C2CD5: variants seen among roughly 807,000 people sequenced by gnomAD.
C2CD5 encodes C2 calcium dependent domain containing 5.
In C2CD5, 109 loss-of-function variants were observed where a neutral mutation model predicts 130.3. The ratio of observed to expected loss-of-function variants is 0.84; its 90% CI spans 0.72 to 0.98. C2CD5 has a LOEUF of 0.98. C2CD5 is among the 50% of genes least tolerant of loss of function. The probability of loss-of-function intolerance (pLI) is 0.00; values close to 1 mark genes in which losing one functional copy is unlikely to be tolerated. For synonymous variants in C2CD5, 454 were observed against 429.2 expected, an observed-to-expected ratio of 1.06 and a Z score of -0.71; for missense variants, 996 against 1,261.8, an observed-to-expected ratio of 0.79 and a Z score of 3.19.
chr12:22,491,802 G>A (rs991215207), intron 11 of C2CD5, among the ~76,000 whole-genome samples: 1 of 151,806 alleles, frequency 6.6e-6, no homozygotes. Context: ...AACCCGGGAG[G>A]TGGAGGTTGC....
chr12:22,458,611 GA>G (rs1252245944), intron 23 of C2CD5, 26 bp from the exon 24 acceptor site: 13 of 1,118,646 alleles, frequency 1.2e-5, no homozygotes, highest in Non-Finnish European at 1.5e-5. Context: ...GAAAACAAAA[GA>G]AAAAAACAAA....
At chr12:22,485,099 T>A (rs1377362060) in intron 12 of C2CD5, among the ~76,000 whole-genome samples, 1 of 152,086 alleles carries the variant, frequency 6.6e-6, no homozygotes, top group African/African-American at 2.4e-5. Flanking sequence ...AGAAAAGACT[T>A]ACCAATTGCA....
intron 10 of C2CD5, among the ~76,000 whole-genome samples, chr12:22,504,912 T>G (rs879037588): frequency 6.2e-4 from 95 of 152,090 alleles, no homozygotes; most frequent in African/African-American, 2.1e-3. Context: ...ACACAAATAC[T>G]ACAATGGAGA....
chr12:22,505,329 C>T (rs1415172107), intron 10 of C2CD5, among the ~76,000 whole-genome samples: 1 of 147,072 alleles, frequency 6.8e-6, no homozygotes, highest in Non-Finnish European at 1.5e-5. Flanking sequence ...ACAATCTCGG[C>T]TCACTGCAAC....
intron 7 of C2CD5, chr12:22,519,087 C>G: frequency 6.5e-7 from 1 of 1,526,956 alleles, no homozygotes. Flanking sequence ...TGCATCTCCC[C>G]AGCTCTGGAG....
intron 21 of C2CD5, among the ~76,000 whole-genome samples, chr12:22,470,611 A>G (rs1184141822): frequency 6.6e-6 from 1 of 152,098 alleles, no homozygotes; most frequent in Non-Finnish European, 1.5e-5. Flanking sequence ...TCTCTATGTA[A>G]ACATCAGTCA....
chr12:22,451,658 G>A (rs1938631863), intron 26 of C2CD5, among the ~76,000 whole-genome samples: 1 of 150,726 alleles, frequency 6.6e-6, no homozygotes, highest in East Asian at 1.9e-4. Context: ...ACAAAATGGA[G>A]TTAATATCAA....
chr12:22,515,058 G>A lies in C2CD5; in HGVS notation c.953-1679C>T, dbSNP rs1949579170. On this transcript the variant is annotated intron_variant, in intron 8 of 26. Coordinates refer to ENST00000446597, the MANE Select transcript of C2CD5 (RefSeq NM_001286176.2). ...TGAGGGGTAAGGCTAGATTCCGAGA[G>A]GAGGAGACAGGACTTTTTAAGATGA... is the stretch of plus-strand genomic sequence containing the variant. 6.1e-6 allele frequency: 6 copies of A among 984,924 alleles called. No individual in the cohort carries two copies. In the Admixed American group the frequency reaches 3.1e-4, roughly 51 times the overall value. The allele number at this position is 984,924 out of a possible 1,614,324, so 61.0% of individuals were successfully genotyped here.
At chr12:22,458,462 T>A in intron 24 of C2CD5, 22 bp downstream of exon 24, 1 of 1,081,390 alleles carries the variant, frequency 9.2e-7, no homozygotes, top group Non-Finnish European at 1.2e-6. Context: ...ATTATCATAA[T>A]GTGGTAGAAA....
chr12:22,537,979 C>T (rs1951984129), intron 2 of C2CD5, among the ~76,000 whole-genome samples: 2 of 152,172 alleles, frequency 1.3e-5, no homozygotes, highest in Admixed American at 1.3e-4. Flanking sequence ...TTCACTGGGT[C>T]CCTACACTCC....
chr12:22,512,552 T>C (rs142702191), intron 9 of C2CD5: 18,215 of 920,696 alleles, frequency 0.02, 240 homozygotes, highest in Non-Finnish European at 0.026. Flanking sequence ...GCTGTCAACA[T>C]TTGCTAAGAT....
At position 22,470,893 on chromosome 12, in the gene C2CD5, C is replaced by T. The variant is rs750393334; in HGVS notation, c.2377G>A (p.Ala793Thr). 13 of 1,610,504 alleles carry T rather than the reference C, an allele frequency of 8.1e-6. No homozygotes were observed. The highest frequency in any genetic ancestry group is 6.7e-5 in the Admixed American group (4 of 59,844). ...GCCTGATTTTTGTCAAAAGTGATTGCGACTGCCGTGACTGTAACCTAGAAT... is the reference window on the plus strand; with the variant it reads ...GCCTGATTTTTGTCAAAAGTGATTGTGACTGCCGTGACTGTAACCTAGAAT... ...ELIQVTVTAV[A>T]ITFDKNQALQ... The change falls in exon 21 of 27, where the codon GCA (alanine) becomes ACA (threonine). Residue 793 changes from alanine to threonine, a missense_variant. By Grantham distance (58) the Ala-to-Thr change is moderately conservative. Transcript: ENST00000446597.
intron 12 of C2CD5, among the ~76,000 whole-genome samples, chr12:22,485,354 CA>C (rs1238905640): frequency 6.6e-6 from 1 of 151,074 alleles, no homozygotes; most frequent in Non-Finnish European, 1.5e-5. Flanking sequence ...CTAATGGGTA[CA>C]AAAAAATAGA....
chr12:22,493,609 G>A (rs1946643189), intron 10 of C2CD5, among the ~76,000 whole-genome samples: 1 of 151,992 alleles, frequency 6.6e-6, no homozygotes, highest in Non-Finnish European at 1.5e-5. Flanking sequence ...TTTAAATGTA[G>A]ACCCAGAGTT....
chr12:22,509,771 GA>G (rs1281076194), intron 9 of C2CD5, among the ~76,000 whole-genome samples: 2 of 152,112 alleles, frequency 1.3e-5, no homozygotes, highest in East Asian at 3.8e-4. Flanking sequence ...TTTTTTATAT[GA>G]AAAACTGAAG....
intron 11 of C2CD5, 118 bp from the exon 12 acceptor site, chr12:22,490,336 A>G (rs1364087419): frequency 1.8e-6 from 1 of 565,370 alleles, no homozygotes; most frequent in Non-Finnish European, 3.1e-6. Context: ...ACTCTACTCA[A>G]TATTAAATAA....
At chr12:22,540,234 A>G (rs1323029263) in intron 2 of C2CD5, among the ~76,000 whole-genome samples, 1 of 152,184 alleles carries the variant, frequency 6.6e-6, no homozygotes, top group Non-Finnish European at 1.5e-5. Context: ...AAGCAGTCAC[A>G]TTCACGTGGT....
chr12:22,521,467 AT>A (rs1359903211), intron 7 of C2CD5, among the ~76,000 whole-genome samples: 1 of 152,182 alleles, frequency 6.6e-6, no homozygotes, highest in Non-Finnish European at 1.5e-5. Context: ...AACAGGTAAT[AT>A]AGCTTTGTCA....
intron 3 of C2CD5, among the ~76,000 whole-genome samples, chr12:22,529,018 G>A (rs1030683401): frequency 6.6e-6 from 1 of 151,994 alleles, no homozygotes; most frequent in Non-Finnish European, 1.5e-5. Flanking sequence ...ATATAATTTG[G>A]AATTCACAGA....
Sources: gnomAD v4.1 joint callset for allele counts (sites outside exome capture counted in the v4.1 genomes callset) on GRCh38, gnomAD v4.1.1 for gene constraint, MANE v1.5 for transcripts, NCBI Gene and HGNC (gene_info 2026-07-23, HGNC 2026-07-21) for gene names.